The following SLC6A12 variants were observed in gnomAD, a reference collection of about 807,000 sequenced individuals.
The protein encoded by SLC6A12 is sodium- and chloride-dependent betaine transporter.
SLC6A12 carries 50 observed loss-of-function variants against 73.3 expected under a neutral mutation model. The observed-to-expected ratio is 0.68, with a 90% CI of 0.54 to 0.86. The LOEUF (loss-of-function observed/expected upper bound fraction) is 0.86. Ranked by LOEUF, SLC6A12 falls within the 40% of genes least tolerant of loss-of-function variation. The pLI, the probability that SLC6A12 is intolerant of heterozygous loss-of-function variation, is 0.00. For missense variants in SLC6A12, 648 were observed against 772.8 expected, an observed-to-expected ratio of 0.84 and a Z score of 1.92; for synonymous variants, 304 against 309.2, an observed-to-expected ratio of 0.98 and a Z score of 0.18.
In SLC6A12 at chr12:197,903, T is replaced by C. The variant is rs1940004932; in HGVS notation, c.947A>G (p.Tyr316Cys). Reference sequence around the variant, plus strand: ...CCCCGGCCCACGCTGTTCTCACTTGTAGCAGTTGTTGTGATACTTGTTGTA... The same window carrying C: ...CCCCGGCCCACGCTGTTCTCACTTGCAGCAGTTGTTGTGATACTTGTTGTA... The part of the protein sequence containing the change: ...GSYNKYHNNC[Y>C]KDCIALCFLN... Residue 316 changes from tyrosine to cysteine, a missense_variant, in exon 9 of 16, where the codon TAC becomes TGC. Physicochemically the swap from Tyr to Cys is radical, Grantham distance 194. Transcript: ENST00000684302. 1 of 1,599,166 alleles carries C rather than the reference T, an allele frequency of 6.3e-7. No homozygotes were observed. The highest frequency in any genetic ancestry group is 1.7e-5 in the Admixed American group (1 of 59,796).
chr12:187,589 C>CAAAAAAAAAAAAAAAAAAAAAAA (rs761187495), downstream of SLC6A12, among the ~76,000 whole-genome samples: 21 of 106,050 alleles, frequency 2.0e-4, no homozygotes, highest in Non-Finnish European at 2.5e-4. Context: ...TGCAAAAGAG[C>CAAAAAAAAAAAAAAAAAAAAAAA]AAAAAAAAAA....
downstream of SLC6A12, among the ~76,000 whole-genome samples, chr12:188,373 G>A (rs948769595): frequency 2.0e-5 from 3 of 152,048 alleles, no homozygotes; most frequent in Non-Finnish European, 2.9e-5. Flanking sequence ...CTCCGATTGT[G>A]GGGCCCGCCG....
chr12:187,153 G>GT (rs1028489827), downstream of SLC6A12, among the ~76,000 whole-genome samples: 1 of 152,208 alleles, frequency 6.6e-6, no homozygotes, highest in African/African-American at 2.4e-5. Flanking sequence ...TGGCCAAATT[G>GT]TAGCTGCCAG....
intron 3 of SLC6A12, among the ~76,000 whole-genome samples, chr12:205,379 A>G (rs1188484705): frequency 6.6e-6 from 1 of 152,194 alleles, no homozygotes; most frequent in Non-Finnish European, 1.5e-5. Flanking sequence ...GTGTTACACC[A>G]TGAGAACGCT....
chr12:200,839 G>T, intron 6 of SLC6A12, 56 bp from the exon 7 acceptor site: 3 of 1,564,786 alleles, frequency 1.9e-6, no homozygotes, highest in Non-Finnish European at 2.6e-6. Flanking sequence ...GACAGTTTGC[G>T]TCTGTCAGCA....
intron 6 of SLC6A12, 148 bp from the exon 7 acceptor site, chr12:200,931 C>G: frequency 1.4e-6 from 1 of 734,740 alleles, no homozygotes; most frequent in Non-Finnish European, 2.2e-6. Flanking sequence ...ACAGTCAGGC[C>G]ATGTTCCCGT....
intron 7 of SLC6A12, 77 bp from the exon 8 acceptor site, chr12:199,008 C>T (rs925390533): frequency 8.8e-6 from 13 of 1,484,270 alleles, no homozygotes; most frequent in Admixed American, 1.7e-5. Flanking sequence ...ACAGGCAGCT[C>T]GAGTCACACG....
At chr12:193,909 T>C (rs1939741781) in intron 13 of SLC6A12, 1 of 152,374 alleles carries the variant, frequency 6.6e-6, no homozygotes, top group African/African-American at 2.4e-5. Context: ...GGTTAATTTG[T>C]GTTTAGTGAA....
intron 10 of SLC6A12, among the ~76,000 whole-genome samples, chr12:197,169 CCA>C (rs1939941839): frequency 1.4e-5 from 1 of 72,972 alleles, no homozygotes; most frequent in African/African-American, 4.6e-5. Flanking sequence ...ATCCATCCAT[CCA>C]TCCATCCATC....
downstream of SLC6A12, among the ~76,000 whole-genome samples, chr12:189,844 G>A (rs1049297524): frequency 9.1e-4 from 41 of 45,152 alleles, no homozygotes; most frequent in African/African-American, 7.1e-3. Context: ...CCCGCCCCCT[G>A]GGACACTCTC....
In SLC6A12 at chr12:198,034, C is replaced by T. The variant is rs1352499723; in HGVS notation, c.847-31G>A. 6.3e-7 allele frequency: 1 copy of T among 1,590,566 alleles called. No individual in the cohort carries two copies. Among genetic ancestry groups the T allele is most frequent in the Admixed American group, 1.7e-5 (1 of 59,948 alleles). ...CAAAACCCCAAGAAAGAGGTAGAGG[C>T]AGCCCCCAGGGCCCAGAGCCAGGGT... On this transcript the variant is annotated intron_variant, in intron 8 of 15. Transcript: ENST00000684302. The surrounding 1 kb of genome is among the most constrained non-coding windows in gnomAD (Gnocchi z 4.0).
chr12:202,797 A>C lies in SLC6A12; in HGVS notation c.433T>G (p.Phe145Val). ...GGCAGCTCAGAAGTGAAGGAGCTGA[A>C]CAGGTAGAAGAGAGCCCAGGCAAGG... is the stretch of plus-strand genomic sequence containing the variant. ...IILAWALFYL[F>V]SSFTSELPWT... The change falls in exon 5 of 16, where the codon TTC becomes GTC. Residue 145 changes from phenylalanine to valine, a missense_variant. Phe to Val is a conservative substitution (Grantham distance 50). Transcript: ENST00000684302. The C allele has an allele frequency of 6.2e-7, 1 of 1,614,050 alleles. No individual in the cohort carries two copies. Among genetic ancestry groups the C allele is most frequent in the Non-Finnish European group, 8.5e-7 (1 of 1,179,908 alleles).
intron 5 of SLC6A12, 48 bp downstream of exon 5, chr12:202,692 A>G: frequency 6.3e-7 from 1 of 1,585,304 alleles, no homozygotes; most frequent in Non-Finnish European, 8.6e-7. Context: ...CAGCCACCGC[A>G]GCCCAGCCCC....
At chr12:197,139 A>AGTGTTGG (rs1939927910) in intron 10 of SLC6A12, among the ~76,000 whole-genome samples, 1 of 113,140 alleles carries the variant, frequency 8.8e-6, no homozygotes. Context: ...CCATCCATCC[A>AGTGTTGG]TCCATCCATC....
At chr12:202,916 G>A in intron 4 of SLC6A12, 36 bp from the exon 5 acceptor site, 1 of 1,602,998 alleles carries the variant, frequency 6.2e-7, no homozygotes, top group African/African-American at 1.3e-5. Context: ...AGGGACAAGA[G>A]AGATCAATGT....
chr12:198,150 G>A lies in SLC6A12; in HGVS notation c.847-147C>T. ...CCTCCTGCATCCCAACTCTCCGTGA[G>A]TGCGCCCTCCGGTCTCCACGGTGAT... is the stretch of plus-strand genomic sequence containing the variant. On this transcript the variant is annotated intron_variant, in intron 8 of 15. Transcript: ENST00000684302. This position sits in a 1 kb window ranked among gnomAD's most constrained non-coding sequence, Gnocchi z 4.0. 1.5e-6 allele frequency: 1 copy of A among 645,556 alleles called. No individual in the cohort carries two copies. The highest frequency in any genetic ancestry group is 2.7e-6 in the Non-Finnish European group (1 of 364,878). 40.0% of individuals were successfully genotyped at this position (645,556 alleles called of 1,614,324 possible).
chr12:212,091 T>C lies in SLC6A12; in HGVS notation c.-123A>G, dbSNP rs1940924923. On this transcript the variant is annotated 5_prime_UTR_variant, in exon 2 of 16. Transcript: ENST00000684302. ...GTGACCTCAGGCAAATCACACCCCCTCTCTGAACTCTAAGTTTCCCTGGAA... is the reference window on the plus strand; with the variant it reads ...GTGACCTCAGGCAAATCACACCCCCCCTCTGAACTCTAAGTTTCCCTGGAA... 1 of 152,194 alleles carries C rather than the reference T, an allele frequency of 6.6e-6. No individual in the cohort carries two copies. The highest frequency in any genetic ancestry group is 2.4e-5 in the African/African-American group (1 of 41,438). 9.4% of individuals were successfully genotyped at this position (152,194 alleles called of 1,614,324 possible).
intron 3 of SLC6A12, chr12:204,963 A>G (rs907478362): frequency 1.0e-4 from 43 of 412,690 alleles, no homozygotes; most frequent in Non-Finnish European, 1.8e-4. Context: ...AAATTCTAAT[A>G]TATGCACTAT....
intron 3 of SLC6A12, 22 bp downstream of exon 3, chr12:209,751 G>A (rs765850946): frequency 1.9e-6 from 3 of 1,613,734 alleles, no homozygotes; most frequent in Non-Finnish European, 2.5e-6. Context: ...TCCCCACCAT[G>A]CCTACCTCAA....
Sources: gnomAD v4.1 joint callset for allele counts (sites outside exome capture counted in the v4.1 genomes callset) on GRCh38, gnomAD v4.1.1 for gene constraint, Gnocchi (gnomAD v3.1) non-coding constraint, MANE v1.5 for transcripts, NCBI Gene and HGNC (gene_info 2026-07-23, HGNC 2026-07-21) for gene names.